Variants in ABCA12 observed in about 807,000 individuals in gnomAD.
ABCA12 encodes ATP binding cassette subfamily A member 12.
Under a neutral mutation model 293.5 loss-of-function variants are expected in ABCA12, and 156 were observed. The ratio of observed to expected loss-of-function variants is 0.53; its 90% CI spans 0.47 to 0.61. ABCA12 has a LOEUF of 0.61. Ranked by LOEUF, ABCA12 falls within the 20% of genes least tolerant of loss-of-function variation. The pLI is 0.00. For synonymous variants in ABCA12, 1,063 were observed against 1,108.0 expected (o/e 0.96, Z 0.81); for missense variants, 2,797 against 3,090.2 (o/e 0.91, Z 2.25).
intron 36 of ABCA12, among the ~76,000 whole-genome samples, chr2:214,972,071 A>G (rs1699397326): frequency 6.6e-6 from 1 of 151,792 alleles, no homozygotes. Context: ...TTTGTTGCTA[A>G]TTTTTCTGCT....
Position 215,014,912 on chromosome 2 carries a change from C to T in ABCA12, c.1956+578G>A, listed in dbSNP as rs545043894. Among the ~76,000 whole-genome samples the T allele has an allele frequency of 2.3e-4, 35 of 152,172 alleles. No individual in the cohort carries two copies. The South Asian group carries it at 4.1e-3, about 18-fold the overall frequency. ...TTTTCCTATGTTTATATTTTTCTTT[C>T]GGTTATTTAGTAAATAAGTACTCAT... is the stretch of plus-strand genomic sequence containing the variant. On this transcript the variant is annotated intron_variant, in intron 15 of 52. Coordinates refer to ENST00000272895, the MANE Select transcript of ABCA12 (RefSeq NM_173076.3).
At chr2:214,991,522 T>C (rs1302745072) in intron 23 of ABCA12, among the ~76,000 whole-genome samples, 3 of 152,132 alleles carry the variant, frequency 2.0e-5, no homozygotes, top group South Asian at 4.1e-4. Flanking sequence ...ACAATCAGTA[T>C]TGATGTTCCT....
chr2:215,017,782 G>A (rs1240684302), intron 14 of ABCA12: 7 of 547,852 alleles, frequency 1.3e-5, no homozygotes, highest in Non-Finnish European at 2.2e-5. Flanking sequence ...TGGGGCATGG[G>A]AAAGGACAAG....
At position 214,958,315 on chromosome 2, in the gene ABCA12, C is replaced by G. The variant is rs781497255; in HGVS notation, c.6079G>C (p.Val2027Leu). The G allele has an allele frequency of 6.8e-6, 11 of 1,613,918 alleles. No individual in the cohort carries two copies. The highest frequency in any genetic ancestry group is 9.3e-6 in the Non-Finnish European group (11 of 1,179,904). ...AAGTTTGTTACCCAGTAGCATGTCA[C>G]GCCAATGCCTGAAATGTGCTGCAAC... is the stretch of plus-strand genomic sequence containing the variant. ...KQLQHISGIG[V>L]TCYWVTNFIY... Residue 2027 changes from valine to leucine, a missense_variant, in exon 41 of 53, where the codon GTG becomes CTG. Transcript: ENST00000272895.
At chr2:214,944,585 G>A (rs1034590377) in intron 49 of ABCA12, among the ~76,000 whole-genome samples, 1 of 151,980 alleles carries the variant, frequency 6.6e-6, no homozygotes, top group Non-Finnish European at 1.5e-5. Flanking sequence ...GCATTTAGAT[G>A]AGGCCATAGA....
At chr2:214,951,213 T>A in intron 44 of ABCA12, 130 bp from the exon 45 acceptor site, 2 of 812,796 alleles carry the variant, frequency 2.5e-6, no homozygotes, top group Non-Finnish European at 4.1e-6. Flanking sequence ...ACATTTGTAA[T>A]GAATTATGCT....
intron 17 of ABCA12, among the ~76,000 whole-genome samples, chr2:215,011,204 C>T (rs1043534847): frequency 6.6e-6 from 1 of 152,132 alleles, no homozygotes; most frequent in Non-Finnish European, 1.5e-5. Flanking sequence ...TCAGGCACTT[C>T]CAAGTTGAGC....
At chr2:214,950,042 A>G (rs1170707864) in intron 45 of ABCA12, among the ~76,000 whole-genome samples, 3 of 152,206 alleles carry the variant, frequency 2.0e-5, no homozygotes, top group African/African-American at 7.2e-5. Flanking sequence ...TTCAGGGGGA[A>G]AAAATCATCT....
At chr2:214,999,047 G>T (rs933131387) in intron 22 of ABCA12, among the ~76,000 whole-genome samples, 1 of 152,288 alleles carries the variant, frequency 6.6e-6, no homozygotes, top group South Asian at 2.1e-4. Context: ...GCATGCAGAA[G>T]TGTGTCATTA....
intron 2 of ABCA12, 110 bp from the exon 3 acceptor site, chr2:215,064,329 G>C (rs763092712): frequency 8.5e-7 from 1 of 1,170,224 alleles, no homozygotes. Flanking sequence ...ACCACTCTCC[G>C]GGTCCCCCAA....
chr2:215,113,127 G>T (rs1024982617), intron 1 of ABCA12, among the ~76,000 whole-genome samples: 1 of 152,146 alleles, frequency 6.6e-6, no homozygotes, highest in Non-Finnish European at 1.5e-5. Flanking sequence ...TCTACCTGGA[G>T]CTCTTCAATT....
chr2:214,952,937 T>C (rs1698825516), intron 44 of ABCA12, among the ~76,000 whole-genome samples: 1 of 152,184 alleles, frequency 6.6e-6, no homozygotes, highest in Non-Finnish European at 1.5e-5. Flanking sequence ...TATTTTTCAA[T>C]AGGTGATACA....
intron 3 of ABCA12, among the ~76,000 whole-genome samples, chr2:215,059,699 A>G (rs1453933535): frequency 6.6e-6 from 1 of 151,982 alleles, no homozygotes; most frequent in Non-Finnish European, 1.5e-5. Context: ...GAACACATAG[A>G]ATATGGGGAG....
chr2:215,074,713 G>A (rs1327903038), intron 2 of ABCA12, among the ~76,000 whole-genome samples: 2 of 152,180 alleles, frequency 1.3e-5, no homozygotes, highest in African/African-American at 4.8e-5. Flanking sequence ...GGAGGCCAAG[G>A]TGGGCCGATC....
chr2:214,943,122 A>G (rs758046310), intron 49 of ABCA12, 105 bp from the exon 50 acceptor site: 2 of 867,186 alleles, frequency 2.3e-6, no homozygotes, highest in East Asian at 5.3e-5. Flanking sequence ...TGGAAATACT[A>G]TTTTAGTTTT....
intron 34 of ABCA12, among the ~76,000 whole-genome samples, chr2:214,975,167 G>A (rs74800271): frequency 0.015 from 2,247 of 152,262 alleles, 59 homozygotes; most frequent in African/African-American, 0.05. Flanking sequence ...GTTTTGCCAC[G>A]TTGGCAGGAT....
In ABCA12 at chr2:215,034,356, A is replaced by G. The variant is rs1245034242; in HGVS notation, c.986-2460T>C. On this transcript the variant is annotated intron_variant, in intron 8 of 52. Transcript: ENST00000272895. The stretch of plus-strand genomic sequence containing the variant: ...TGAAGAAATCTTGAAGTGTGCTCAT[A>G]CGTCAGGGTGGATCAGAGATAAACA... 4.6e-5 allele frequency among the ~76,000 whole-genome samples: 7 copies of G among 152,220 alleles called. 1 individual carries two copies. Among genetic ancestry groups the G allele is most frequent in the African/African-American group, 1.7e-4 (7 of 41,456 alleles).
intron 6 of ABCA12, among the ~76,000 whole-genome samples, chr2:215,048,595 C>A (rs1000142296): frequency 6.6e-6 from 1 of 151,510 alleles, no homozygotes; most frequent in Non-Finnish European, 1.5e-5. Context: ...CCCAGCTAGT[C>A]GGGAGGCTGA....
chr2:215,109,854 C>G (rs1023577923), intron 2 of ABCA12, among the ~76,000 whole-genome samples: 1 of 152,100 alleles, frequency 6.6e-6, no homozygotes, highest in African/African-American at 2.4e-5. Context: ...TCCTTAAAAA[C>G]AAGAAATTGG....
Sources: gnomAD v4.1 joint callset for allele counts (sites outside exome capture counted in the v4.1 genomes callset) on GRCh38, gnomAD v4.1.1 for gene constraint, MANE v1.5 for transcripts, NCBI Gene and HGNC (gene_info 2026-07-23, HGNC 2026-07-21) for gene names.